DCAF8L2: variants seen among roughly 807,000 people sequenced by gnomAD.
DCAF8L2 encodes DDB1 and CUL4 associated factor 8 like 2.
For synonymous variants in DCAF8L2, 200 were observed against 190.9 expected, an observed-to-expected ratio of 1.05 and a Z score of -0.39; for missense variants, 430 against 490.7, an observed-to-expected ratio of 0.88 and a Z score of 1.17.
intron 4 of DCAF8L2, among the ~76,000 whole-genome samples, chrX:27,732,628 T>C (rs1304399893): frequency 9.0e-6 from 1 of 110,822 alleles, no homozygotes; most frequent in Non-Finnish European, 1.9e-5. Flanking sequence ...CTTTAAGCAT[T>C]CATCCATCAA....
chrX:27,700,195 G>A (rs887509972), intron 3 of DCAF8L2, among the ~76,000 whole-genome samples: 3 of 111,409 alleles, frequency 2.7e-5, no homozygotes, highest in African/African-American at 9.8e-5. Context: ...ATGAAAGATT[G>A]TGCCTTCAGA....
At position 27,664,837 on chromosome X, in the gene DCAF8L2, T is replaced by C. The variant is rs1040060301; in HGVS notation, c.-219-12999T>C. 2.7e-5 allele frequency among the ~76,000 whole-genome samples: 3 copies of C among 111,311 alleles called. No homozygotes were observed. In the South Asian group the frequency reaches 1.1e-3, roughly 42 times the overall value. On this transcript the variant is annotated intron_variant, in intron 2 of 4. Coordinates refer to ENST00000451261, the MANE Select transcript of DCAF8L2 (RefSeq NM_001353450.2). The stretch of plus-strand genomic sequence containing the variant: ...TAAATAGAAAAAAAAGCCTGCATGG[T>C]AGAACACCTATTTACAGAATGGTTT...
intron 2 of DCAF8L2, among the ~76,000 whole-genome samples, chrX:27,672,948 T>C (rs1929999961): frequency 9.1e-6 from 1 of 110,470 alleles, no homozygotes; most frequent in South Asian, 3.8e-4. Context: ...AAGATGAAAT[T>C]TCTCCTTAGG....
the DCAF8L2 span, among the ~76,000 whole-genome samples, chrX:27,552,034 T>C: frequency 8.9e-5 from 10 of 111,925 alleles, no homozygotes; most frequent in African/African-American, 3.2e-4. Context: ...ATATTCTAAC[T>C]GGGGTGCAGT....
At chrX:27,485,160 C>T in the DCAF8L2 span, among the ~76,000 whole-genome samples, 1 of 111,860 alleles carries the variant, frequency 8.9e-6, no homozygotes, top group Admixed American at 9.5e-5. Flanking sequence ...ATGACATAGA[C>T]ATAGGTATTC....
intron 2 of DCAF8L2, chrX:27,676,882 C>T (rs1231169864): frequency 9.0e-6 from 1 of 111,571 alleles, no homozygotes; most frequent in Non-Finnish European, 1.9e-5. Flanking sequence ...TACCAGCTCT[C>T]TCCAGACTTT....
chrX:27,601,038 A>C (rs1926615971), intron 1 of DCAF8L2, among the ~76,000 whole-genome samples: 1 of 110,645 alleles, frequency 9.0e-6, no homozygotes, highest in South Asian at 3.9e-4. Flanking sequence ...CCTGGGCTCA[A>C]GCAATCCTCC....
At chrX:27,632,029 G>A (rs1003379914) in intron 2 of DCAF8L2, 29 bp downstream of exon 2, 6 of 110,357 alleles carry the variant, frequency 5.4e-5, no homozygotes, top group African/African-American at 2.0e-4. Flanking sequence ...GGTCATAGGG[G>A]CCTGCCCAGT....
chrX:27,507,173 G>A, the DCAF8L2 span, among the ~76,000 whole-genome samples: 1 of 111,712 alleles, frequency 9.0e-6, no homozygotes, highest in East Asian at 2.8e-4. Context: ...AATCAATGTT[G>A]TAGCAGTGTT....
At chrX:27,515,851 A>G in the DCAF8L2 span, among the ~76,000 whole-genome samples, 1 of 112,015 alleles carries the variant, frequency 8.9e-6, no homozygotes, top group Non-Finnish European at 1.9e-5. Context: ...AGGTAGGAAC[A>G]TTCTCTTCCA....
the DCAF8L2 span, among the ~76,000 whole-genome samples, chrX:27,508,815 T>G: frequency 1.9e-5 from 2 of 107,969 alleles, no homozygotes; most frequent in Admixed American, 1.0e-4. Flanking sequence ...GAGTACAAAA[T>G]TAGTATCTAT....
intron 4 of DCAF8L2, among the ~76,000 whole-genome samples, chrX:27,719,908 G>GT (rs964033663): frequency 2.3e-4 from 25 of 108,215 alleles, no homozygotes; most frequent in Admixed American, 6.9e-4. Context: ...GTCTATTTGT[G>GT]TTTTTTTTTC....
chrX:27,521,169 G>A, the DCAF8L2 span, among the ~76,000 whole-genome samples: 1 of 111,909 alleles, frequency 8.9e-6, no homozygotes, highest in African/African-American at 3.2e-5. Context: ...ATCTTCAGAT[G>A]GCCATTACCA....
intron 3 of DCAF8L2, among the ~76,000 whole-genome samples, 174 bp downstream of exon 3, chrX:27,678,086 C>A (rs1228739874): frequency 9.0e-6 from 1 of 111,704 alleles, no homozygotes; most frequent in Non-Finnish European, 1.9e-5. Flanking sequence ...AGGGTTATAT[C>A]AAGGGTGACT....
chrX:27,533,158 GAGAGAGAGAAAGAAAGAA>G, the DCAF8L2 span, among the ~76,000 whole-genome samples: 2 of 20,509 alleles, frequency 9.8e-5, no homozygotes, highest in African/African-American at 3.1e-4. Flanking sequence ...GAGAGAGAGA[GAGAGAGAGAAAGAAAGAA>G]AGAAAGAAAG....
At chrX:27,713,387 T>C (rs1931592111) in intron 3 of DCAF8L2, among the ~76,000 whole-genome samples, 1 of 111,258 alleles carries the variant, frequency 9.0e-6, no homozygotes, top group Admixed American at 9.6e-5. Context: ...TTAATGTACA[T>C]TATTGATTAC....
intron 1 of DCAF8L2, among the ~76,000 whole-genome samples, chrX:27,604,387 A>C (rs1208040210): frequency 9.0e-6 from 1 of 111,117 alleles, no homozygotes. Flanking sequence ...CTATGGTAGC[A>C]GGCCATTTCC....
chrX:27,728,752 A>G, intron 4 of DCAF8L2, among the ~76,000 whole-genome samples: 1 of 112,359 alleles, frequency 8.9e-6, no homozygotes, highest in Middle Eastern at 4.6e-3. Context: ...AAGTCTGTTC[A>G]GTCAGTACAT....
At chrX:27,617,071 T>G (rs1029978909) in intron 1 of DCAF8L2, among the ~76,000 whole-genome samples, 4 of 111,344 alleles carry the variant, frequency 3.6e-5, no homozygotes, top group Non-Finnish European at 7.6e-5. Context: ...CACTCCCTCC[T>G]TTAATAGATT....
Sources: gnomAD v4.1 joint callset for allele counts (sites outside exome capture counted in the v4.1 genomes callset) on GRCh38, gnomAD v4.1.1 for gene constraint, MANE v1.5 for transcripts, NCBI Gene and HGNC (gene_info 2026-07-23, HGNC 2026-07-21) for gene names.